Variants in ST6GALNAC3 observed in about 807,000 individuals in gnomAD.
The protein encoded by ST6GALNAC3 is alpha-N-acetylgalactosaminide alpha-2,6-sialyltransferase 3.
Under a neutral mutation model 32.7 loss-of-function variants are expected in ST6GALNAC3, and 25 were observed. That is an observed-to-expected ratio of 0.76 (90% CI 0.56 to 1.07). The LOEUF is 1.07. ST6GALNAC3 is among the 50% of genes least tolerant of loss of function. ST6GALNAC3 has a pLI of 0.00. For synonymous variants in ST6GALNAC3, 129 were observed against 133.1 expected (o/e 0.97, Z 0.21); for missense variants, 355 against 382.4 (o/e 0.93, Z 0.60).
At chr1:76,293,024 A>G (rs1328135494) in intron 1 of ST6GALNAC3, among the ~76,000 whole-genome samples, 3 of 152,132 alleles carry the variant, frequency 2.0e-5, no homozygotes, top group African/African-American at 7.2e-5. Context: ...CTAGTTCCCT[A>G]AATTAATTAT....
chr1:76,096,202 C>G (rs1258135229), intron 1 of ST6GALNAC3, among the ~76,000 whole-genome samples: 2 of 152,128 alleles, frequency 1.3e-5, no homozygotes, highest in Non-Finnish European at 1.5e-5. Context: ...GAGGTAGATG[C>G]AGGTGTTAAT....
chr1:76,452,379 C>A (rs992382719), intron 3 of ST6GALNAC3, among the ~76,000 whole-genome samples: 1 of 152,160 alleles, frequency 6.6e-6, no homozygotes, highest in Non-Finnish European at 1.5e-5. Context: ...ATTACCCAGT[C>A]TCAGGTATGT....
At chr1:76,342,897 T>C (rs1367720176) in intron 2 of ST6GALNAC3, among the ~76,000 whole-genome samples, 1 of 152,142 alleles carries the variant, frequency 6.6e-6, no homozygotes, top group Non-Finnish European at 1.5e-5. Flanking sequence ...GTTCAGTTTC[T>C]TTGCCCACTT....
chr1:76,123,864 C>G (rs1649058685), intron 1 of ST6GALNAC3, among the ~76,000 whole-genome samples: 1 of 146,288 alleles, frequency 6.8e-6, no homozygotes, highest in Non-Finnish European at 1.5e-5. Flanking sequence ...GTTCTCATGA[C>G]TCAGCCTCCC....
At chr1:76,081,634 G>C (rs1400096428) in intron 1 of ST6GALNAC3, among the ~76,000 whole-genome samples, 4 of 152,116 alleles carry the variant, frequency 2.6e-5, no homozygotes, top group Admixed American at 2.6e-4. Context: ...AGATAAGAAG[G>C]CTTTAATTCT....
At chr1:76,444,589 T>C (rs1656839200) in intron 3 of ST6GALNAC3, among the ~76,000 whole-genome samples, 1 of 152,216 alleles carries the variant, frequency 6.6e-6, no homozygotes, top group Non-Finnish European at 1.5e-5. Flanking sequence ...ACATCCTAAG[T>C]ACCTAGGGAT....
intron 3 of ST6GALNAC3, among the ~76,000 whole-genome samples, chr1:76,474,186 A>G (rs1659208480): frequency 6.6e-6 from 1 of 152,162 alleles, no homozygotes; most frequent in Admixed American, 6.5e-5. Context: ...GTGAGCAAAA[A>G]CATGGGGACT....
chr1:76,133,350 C>G (rs1649735104), intron 1 of ST6GALNAC3, among the ~76,000 whole-genome samples: 2 of 152,148 alleles, frequency 1.3e-5, no homozygotes, highest in Admixed American at 1.3e-4. Flanking sequence ...GGAGCTCTGT[C>G]CTAGGGGCCT....
At chr1:76,263,443 C>G (rs1052475116) in intron 1 of ST6GALNAC3, among the ~76,000 whole-genome samples, 3 of 152,160 alleles carry the variant, frequency 2.0e-5, no homozygotes, top group South Asian at 2.1e-4. Flanking sequence ...CTTTCTGAGC[C>G]CTTTTTGTCA....
At chr1:76,237,743 A>G (rs934467218) in intron 1 of ST6GALNAC3, among the ~76,000 whole-genome samples, 1 of 152,154 alleles carries the variant, frequency 6.6e-6, no homozygotes, top group Non-Finnish European at 1.5e-5. Context: ...TAGAAAAAAA[A>G]TATTTCTGGA....
intron 3 of ST6GALNAC3, among the ~76,000 whole-genome samples, chr1:76,462,586 A>T (rs2101600610): frequency 6.6e-6 from 1 of 152,260 alleles, no homozygotes; most frequent in East Asian, 1.9e-4. Context: ...CATGGCACAT[A>T]GAAAGACACA....
At chr1:76,461,803 C>T (rs1658296380) in intron 3 of ST6GALNAC3, among the ~76,000 whole-genome samples, 1 of 152,122 alleles carries the variant, frequency 6.6e-6, no homozygotes, top group South Asian at 2.1e-4. Flanking sequence ...CTATTGAAAC[C>T]CCACAAGGTG....
chr1:76,163,967 T>G (rs116676508), intron 1 of ST6GALNAC3, among the ~76,000 whole-genome samples: 1 of 152,170 alleles, frequency 6.6e-6, no homozygotes, highest in African/African-American at 2.4e-5. Flanking sequence ...ATTTTGCTAC[T>G]TTTACACATT....
chr1:76,197,647 TCTTTGAGAAGAAGTTTAATTTGG>T (rs1269642538), intron 1 of ST6GALNAC3, among the ~76,000 whole-genome samples: 1 of 152,130 alleles, frequency 6.6e-6, no homozygotes, highest in Non-Finnish European at 1.5e-5. Context: ...CACACCACTG[TCTTTGAGAAGAAGTTTAATTTGG>T]CTGGTTCACT....
At chr1:76,446,831 G>GAACTATAAGTT (rs1160388749) in intron 3 of ST6GALNAC3, among the ~76,000 whole-genome samples, 3 of 152,110 alleles carry the variant, frequency 2.0e-5, no homozygotes, top group African/African-American at 7.2e-5. Context: ...TGATTGTGAG[G>GAACTATAAGTT]CCTCCCTAGC....
At chr1:76,531,980 G>A (rs1301568352) in intron 3 of ST6GALNAC3, among the ~76,000 whole-genome samples, 2 of 152,206 alleles carry the variant, frequency 1.3e-5, no homozygotes, top group Non-Finnish European at 2.9e-5. Flanking sequence ...CAGCTGCACA[G>A]TAACAGACTG....
chr1:76,385,198 T>C (rs1652001875), intron 2 of ST6GALNAC3, among the ~76,000 whole-genome samples: 1 of 152,136 alleles, frequency 6.6e-6, no homozygotes, highest in East Asian at 1.9e-4. Context: ...GGGCAAACAT[T>C]ACAAACAGAA....
At chr1:76,604,669 A>G (rs1160422203) in intron 3 of ST6GALNAC3, among the ~76,000 whole-genome samples, 3 of 152,178 alleles carry the variant, frequency 2.0e-5, no homozygotes, top group Non-Finnish European at 4.4e-5. Flanking sequence ...CTAAATTCAT[A>G]TTGGAATTTC....
chr1:76,352,497 CTTTTTTTT>C (rs397706056), intron 2 of ST6GALNAC3, among the ~76,000 whole-genome samples: 1 of 116,232 alleles, frequency 8.6e-6, no homozygotes, highest in Admixed American at 9.3e-5. Context: ...TTTTGGTTTC[CTTTTTTTT>C]TTTTTTTTTT....
Sources: gnomAD v4.1 joint callset for allele counts (sites outside exome capture counted in the v4.1 genomes callset) on GRCh38, gnomAD v4.1.1 for gene constraint, MANE v1.5 for transcripts, NCBI Gene and HGNC (gene_info 2026-07-23, HGNC 2026-07-21) for gene names.